SFTPB: variants seen among roughly 807,000 people sequenced by gnomAD.
The protein encoded by SFTPB is surfactant protein B.
In SFTPB, 32 loss-of-function variants were observed where a neutral mutation model predicts 51.0. The ratio of observed to expected loss-of-function variants is 0.63; its 90% CI spans 0.47 to 0.84. The LOEUF is 0.84. Ranked by LOEUF, SFTPB falls within the 40% of genes least tolerant of loss-of-function variation. The probability of loss-of-function intolerance (pLI) is 0.00; values close to 1 mark genes in which losing one functional copy is unlikely to be tolerated. For missense variants in SFTPB, 431 were observed against 491.2 expected, an observed-to-expected ratio of 0.88 and a Z score of 1.16; for synonymous variants, 211 against 208.5, an observed-to-expected ratio of 1.01 and a Z score of -0.10.
intron 3 of SFTPB, 140 bp downstream of exon 3, chr2:85,666,966 G>T: frequency 1.0e-6 from 1 of 953,368 alleles, no homozygotes; most frequent in Non-Finnish European, 1.7e-6. Context: ...CCTGCTCCCA[G>T]CCAGGAGGAG....
chr2:85,668,572 C>T (rs35955910), upstream of SFTPB: 622 of 303,972 alleles, frequency 2.0e-3, 6 homozygotes, highest in African/African-American at 0.013. Context: ...CTCCCAGGCC[C>T]CCTCTACTCT....
In SFTPB at chr2:85,666,751, C is replaced by T; in HGVS notation, c.268-9G>A. The T allele has an allele frequency of 6.2e-7, 1 of 1,613,630 alleles. No individual in the cohort carries two copies. The highest frequency in any genetic ancestry group is 8.5e-7 in the Non-Finnish European group (1 of 1,179,828). ...AACTTCCTCATCGTGTCCTGGGAGG[C>T]CAGAGGGGGCCGTCAGCTGGGCCTC... On this transcript the variant is annotated splice_polypyrimidine_tract_variant and intron_variant, in intron 3 of 10. Coordinates refer to ENST00000519937, the MANE Select transcript of SFTPB (RefSeq NM_000542.5).
intron 8 of SFTPB, 29 bp from the exon 9 acceptor site, chr2:85,662,138 G>A (rs1178809329): frequency 1.3e-6 from 2 of 1,584,278 alleles, no homozygotes. Flanking sequence ...AGCTGTGGAG[G>A]GTCCCTTTGC....
chr2:85,668,304 A>G, upstream of SFTPB: 1 of 952,712 alleles, frequency 1.0e-6, no homozygotes, highest in Non-Finnish European at 1.6e-6. Context: ...AGAGCCCTCC[A>G]GGTGCTTGAT....
rs180929013 is a variant in SFTPB, at chr2:85,664,354, G to A, written c.673-507C>T. Among the ~76,000 whole-genome samples, 76 of 152,210 alleles carry A rather than the reference G, an allele frequency of 5.0e-4. 2 individuals are homozygous for A. The South Asian group carries it at 0.011, about 22-fold the overall frequency. On this transcript the variant is annotated intron_variant, in intron 6 of 10. Transcript: ENST00000519937. ...GTCCTCCCTGGTCCTCACGCTCCAG[G>A]CCCATCCATGCCCAATAGCAGTGGG...
In SFTPB at chr2:85,660,444, CTTTTTTTTT is replaced by C. The variant is rs67187198; in HGVS notation, c.*20-771_*20-763del. ...GCCACTGCGCCCAGCAAAGAAATAC[CTTTTTTTTT>C]TTTTTTTTTTTCCTGAGACAGAGTT... On this transcript the variant is annotated intron_variant, in intron 10 of 10. Coordinates refer to ENST00000519937, the MANE Select transcript of SFTPB (RefSeq NM_000542.5). 1.3e-4 allele frequency among the ~76,000 whole-genome samples: 13 copies of C among 97,452 alleles called. 1 individual carries two copies. Among genetic ancestry groups the C allele is most frequent in the African/African-American group, 5.2e-4 (11 of 21,218 alleles). The allele number at this position is 97,452 out of a possible 152,430, so 63.9% of individuals were successfully genotyped here.
At chr2:85,666,562 TG>T (rs1383652373) in intron 4 of SFTPB, 54 bp downstream of exon 4, 8 of 1,595,098 alleles carry the variant, frequency 5.0e-6, no homozygotes, top group Non-Finnish European at 6.8e-6. Context: ...TCCCCATGGG[TG>T]GGCACAGGGG....
At chr2:85,666,112 C>T (rs906215959) in intron 4 of SFTPB, among the ~76,000 whole-genome samples, 1 of 151,872 alleles carries the variant, frequency 6.6e-6, no homozygotes, top group African/African-American at 2.4e-5. Context: ...AACCTGGGGG[C>T]CCATGGTCGG....
upstream of SFTPB, among the ~76,000 whole-genome samples, chr2:85,668,472 C>A (rs775851533): frequency 6.6e-6 from 1 of 152,330 alleles, no homozygotes; most frequent in South Asian, 2.1e-4. Flanking sequence ...CTGGTCCCAC[C>A]TCTCCAGGCC....
rs762450907 is a variant in SFTPB at position 85,666,603 on chromosome 2, C to T, written c.393+14G>A. 2.5e-6 allele frequency: 4 copies of T among 1,612,604 alleles called. No homozygotes were observed. Among genetic ancestry groups the T allele is most frequent in the Admixed American group, 3.3e-5 (2 of 59,926 alleles). On this transcript the variant is annotated intron_variant, in intron 4 of 10. Transcript: ENST00000519937. Reference sequence around the variant, plus strand: ...CGTGGGGAGGCAGGCAGGAGGTGAGCTTGCAGCCCTCACAGTCTGGTTCTG... The same window carrying T: ...CGTGGGGAGGCAGGCAGGAGGTGAGTTTGCAGCCCTCACAGTCTGGTTCTG...
intron 4 of SFTPB, 121 bp downstream of exon 4, chr2:85,666,496 T>A (rs1261332947): frequency 8.5e-6 from 4 of 468,080 alleles, no homozygotes; most frequent in Non-Finnish European, 1.2e-5. Flanking sequence ...TTGGGTGCTG[T>A]GTGTGTGTGT....
chr2:85,667,818 G>A lies in SFTPB; in HGVS notation c.68-12C>T. The A allele has an allele frequency of 6.2e-7, 1 of 1,614,234 alleles. No homozygotes were observed. Among genetic ancestry groups the A allele is most frequent in the South Asian group, 1.1e-5 (1 of 91,086 alleles). ...GGTGGTCCAGGCAGCTGTGGTTTGG[G>A]GCCAGAGCAACCTTAATCAGGATCC... On this transcript the variant is annotated splice_polypyrimidine_tract_variant and intron_variant, in intron 1 of 10. Coordinates refer to ENST00000519937, the MANE Select transcript of SFTPB (RefSeq NM_000542.5).
rs1310824263 is a variant in SFTPB, at chr2:85,663,399, T to C, written c.949A>G (p.Ile317Val). The change falls in exon 8 of 11, where the codon ATA (isoleucine) becomes GTA (valine). Residue 317 changes from isoleucine to valine, a missense_variant. Transcript: ENST00000519937. ...CAGGCCTGGAGCATTGCCTGTGGTATGGCCTGCTCGCTGCTGTTCCCGGCC... is the reference window on the plus strand; with the variant it reads ...CAGGCCTGGAGCATTGCCTGTGGTACGGCCTGCTCGCTGCTGTTCCCGGCC... ...TQAGNSSEQA[I>V]PQAMLQACVG... 1.9e-6 allele frequency: 3 copies of C among 1,613,802 alleles called. No individual in the cohort carries two copies. The highest frequency in any genetic ancestry group is 2.5e-6 in the Non-Finnish European group (3 of 1,180,036).
Position 85,665,675 on chromosome 2 carries a change from A to T in SFTPB, c.513T>A (p.Pro171=), listed in dbSNP as rs982427444. The T allele has an allele frequency of 6.2e-7, 1 of 1,614,144 alleles. No individual in the cohort carries two copies. Among genetic ancestry groups the T allele is most frequent in the East Asian group, 2.2e-5 (1 of 44,856 alleles). ...PKPLRDPLPD[P]LLDKLVLPVL... is the part of the protein sequence containing the mutation. ...CAGGGAGGACGAGCTTGTCCAGCAG[A>T]GGGTCTGGCAGAGGGTCCCGCAGAG... The change falls in exon 5 of 11, where the codon CCT becomes CCA. Residue 171 remains proline (P), a synonymous_variant. Transcript: ENST00000519937.
upstream of SFTPB, chr2:85,668,586 G>T: frequency 3.8e-6 from 1 of 265,382 alleles, no homozygotes; most frequent in East Asian, 7.9e-5. Flanking sequence ...CTACTCTTGA[G>T]CAATGCTCTT....
chr2:85,667,846 G>C (rs1450010910), intron 1 of SFTPB, 40 bp from the exon 2 acceptor site: 1 of 1,614,042 alleles, frequency 6.2e-7, no homozygotes, highest in East Asian at 2.2e-5. Flanking sequence ...CAGGATCCAG[G>C]CTACACACCT....
chr2:85,668,080 G>C (rs1387905135), intron 1 of SFTPB, 37 bp downstream of exon 1: 1 of 1,483,468 alleles, frequency 6.7e-7, no homozygotes, highest in Non-Finnish European at 9.2e-7. Flanking sequence ...GTGAGTGGTG[G>C]AGCTGCCTAG....
chr2:85,663,648 T>G lies in SFTPB; in HGVS notation c.856+16A>C, dbSNP rs893159. The G allele has an allele frequency of 0.92, 1,480,393 of 1,606,896 alleles. 682,578 individuals are homozygous for G. Among genetic ancestry groups the G allele is most frequent in the East Asian group, 1 (44,553 of 44,560 alleles). On this transcript the variant is annotated intron_variant, in intron 7 of 10. Transcript: ENST00000519937. ...GGAGAGCAGGCATTGGGCTAAGGAG[T>G]GGGCAGTGGGCTCACTTGGGCCAGC...
In SFTPB at chr2:85,661,489, T is replaced by A. The variant is rs1231867526; in HGVS notation, c.1130A>T (p.His377Leu). The A allele has an allele frequency of 1.2e-6, 2 of 1,611,846 alleles. No individual in the cohort carries two copies. The highest frequency in any genetic ancestry group is 1.7e-6 in the Non-Finnish European group (2 of 1,179,200). ...GAGTTCTCATCAAAGGTCGGGGCTG[T>A]GGATACACTGGAGAGGGCTGGACAT... ...GTMSSPLQCI[H>L]SPDL The change falls in exon 10 of 11, where the codon CAC becomes CTC. Residue 377 changes from histidine to leucine, a missense_variant. Coordinates refer to ENST00000519937, the MANE Select transcript of SFTPB (RefSeq NM_000542.5).
Sources: allele counts gnomAD v4.1 joint callset (sites outside exome capture counted in the v4.1 genomes callset), GRCh38; gene constraint gnomAD v4.1.1; transcripts MANE v1.5; gene names NCBI Gene and HGNC (gene_info 2026-07-23, HGNC 2026-07-21).